Variants in SEMA6A observed in about 807,000 individuals in gnomAD.
The protein encoded by SEMA6A is semaphorin 6A, also known as semaphorin-6A.
SEMA6A carries 25 observed loss-of-function variants against 96.8 expected under a neutral mutation model. That is an observed-to-expected ratio of 0.26 (90% CI 0.19 to 0.36). The LOEUF is 0.36. SEMA6A is among the 10% of genes least tolerant of loss of function. The pLI, the probability that SEMA6A is intolerant of heterozygous loss-of-function variation, is 1.00. For synonymous variants in SEMA6A, 612 were observed against 518.0 expected, an observed-to-expected ratio of 1.18 and a Z score of -2.46; for missense variants, 1,363 against 1,323.1, an observed-to-expected ratio of 1.03 and a Z score of -0.47.
rs572983158 is a variant in SEMA6A at position 116,447,902 on chromosome 5, T to C, written c.1895-91A>G. ...CATTCACCTTGTTAATTAATAACAGTAGTAAGTGACAACAGCACCTCTGCA... is the reference window on the plus strand; with the variant it reads ...CATTCACCTTGTTAATTAATAACAGCAGTAAGTGACAACAGCACCTCTGCA... On this transcript the variant is annotated intron_variant, in intron 18 of 18. Transcript: ENST00000343348. 1.8e-5 allele frequency: 19 copies of C among 1,062,456 alleles called. 1 individual carries two copies. In the South Asian group the frequency reaches 3.2e-4, roughly 18 times the overall value. The allele number at this position is 1,062,456 out of a possible 1,614,324, so 65.8% of individuals were successfully genotyped here. A position where few individuals can be genotyped will look rare whatever the true frequency, so the allele number is the denominator to read the frequency against.
chr5:116,450,850 A>T (rs1754584111), intron 18 of SEMA6A, among the ~76,000 whole-genome samples: 1 of 152,236 alleles, frequency 6.6e-6, no homozygotes, highest in African/African-American at 2.4e-5. Flanking sequence ...GAGTAAGTTG[A>T]AAGTGCAGTT....
chr5:116,453,312 C>A (rs1430447130), intron 18 of SEMA6A, among the ~76,000 whole-genome samples: 1 of 152,282 alleles, frequency 6.6e-6, no homozygotes, highest in East Asian at 1.9e-4. Flanking sequence ...ATGGGGAAGC[C>A]TTCTCTGACT....
At chr5:116,461,367 C>G (rs1271381649) in intron 18 of SEMA6A, among the ~76,000 whole-genome samples, 1 of 152,084 alleles carries the variant, frequency 6.6e-6, no homozygotes, top group East Asian at 1.9e-4. Context: ...TTTCTGAAGT[C>G]TCCTTGAAAC....
chr5:116,568,821 TACACACACACAC>T lies in SEMA6A; in HGVS notation c.-39+5352_-39+5363del, dbSNP rs10531207. On this transcript the variant is annotated intron_variant, in intron 1 of 18. Transcript: ENST00000343348. ...TACCACCTATGTGCTTGGAAGATTGTACACACACACACACACACACACACACATTCATGCATG... is the reference window on the plus strand; with the variant it reads ...TACCACCTATGTGCTTGGAAGATTGTACACACACACACACATTCATGCATG... Among the ~76,000 whole-genome samples the T allele has an allele frequency of 4.6e-3, 691 of 150,746 alleles. 2 individuals carry two copies. Among genetic ancestry groups the T allele is most frequent in the African/African-American group, 0.016 (658 of 41,000 alleles).
chr5:116,463,932 G>A (rs1453738579), intron 18 of SEMA6A, among the ~76,000 whole-genome samples: 3 of 152,182 alleles, frequency 2.0e-5, no homozygotes, highest in African/African-American at 7.2e-5. Flanking sequence ...GGATGTGGCT[G>A]ATTTCCTTAC....
At chr5:116,517,824 A>T (rs1758739793) in intron 1 of SEMA6A, among the ~76,000 whole-genome samples, 1 of 152,154 alleles carries the variant, frequency 6.6e-6, no homozygotes, top group South Asian at 2.1e-4. Context: ...ACTACAAGGG[A>T]GTCAGCACTC....
chr5:116,541,676 T>A (rs1759968754), intron 1 of SEMA6A, among the ~76,000 whole-genome samples: 1 of 152,020 alleles, frequency 6.6e-6, no homozygotes, highest in Non-Finnish European at 1.5e-5. Flanking sequence ...CTACTAAAGA[T>A]ACAAAAATTA....
At chr5:116,481,724 C>T (rs900740371) in intron 11 of SEMA6A, among the ~76,000 whole-genome samples, 7 of 152,164 alleles carry the variant, frequency 4.6e-5, no homozygotes, top group South Asian at 4.2e-4. Flanking sequence ...AAGAGAGGCA[C>T]GCAAAGGGCT....
At chr5:116,509,611 A>AGAGG (rs1758314650) in intron 1 of SEMA6A, among the ~76,000 whole-genome samples, 3 of 151,480 alleles carry the variant, frequency 2.0e-5, no homozygotes, top group African/African-American at 7.3e-5. Flanking sequence ...TGTGTGTGAG[A>AGAGG]GAGAGAGAGA....
chr5:116,470,785 C>A (rs568818512), intron 17 of SEMA6A, among the ~76,000 whole-genome samples: 1 of 152,304 alleles, frequency 6.6e-6, no homozygotes, highest in South Asian at 2.1e-4. Flanking sequence ...AGCCTACACT[C>A]AGCCACAGAG....
intron 18 of SEMA6A, among the ~76,000 whole-genome samples, chr5:116,458,910 C>T (rs75489191): frequency 0.039 from 5,971 of 152,242 alleles, 144 homozygotes; most frequent in East Asian, 0.085. Context: ...CCCCTGCACA[C>T]GTTCAAACAT....
intron 1 of SEMA6A, among the ~76,000 whole-genome samples, chr5:116,546,245 C>T (rs540225507): frequency 2.6e-5 from 4 of 152,214 alleles, no homozygotes; most frequent in Non-Finnish European, 5.9e-5. Flanking sequence ...GACACAGAGT[C>T]ACAAGCTCAG....
Position 116,545,269 on chromosome 5 carries a change from G to A in SEMA6A, c.-39+28916C>T, listed in dbSNP as rs183233501. On this transcript the variant is annotated intron_variant, in intron 1 of 18. Transcript: ENST00000343348. Reference sequence around the variant, plus strand: ...CAGTAGCAGGGACAAGCTGCGTAAGGGATAAAAATTGCTTCCCTCGGCCAG... The same window carrying A: ...CAGTAGCAGGGACAAGCTGCGTAAGAGATAAAAATTGCTTCCCTCGGCCAG... Among the ~76,000 whole-genome samples, 487 of 152,212 alleles carry A rather than the reference G, an allele frequency of 3.2e-3. 2 individuals are homozygous for A. The highest frequency in any genetic ancestry group is 0.019 in the South Asian group (92 of 4,816).
intron 17 of SEMA6A, chr5:116,468,654 G>T (rs1339461677): frequency 1.3e-5 from 2 of 152,180 alleles, no homozygotes; most frequent in African/African-American, 4.8e-5. Flanking sequence ...AATACAGATT[G>T]TATCAGGTGC....
At chr5:116,473,235 G>A in intron 16 of SEMA6A, 142 bp from the exon 17 acceptor site, 2 of 759,380 alleles carry the variant, frequency 2.6e-6, no homozygotes, top group South Asian at 3.7e-5. Context: ...ATTTCTGCGT[G>A]TAATGTAAGA....
chr5:116,533,657 C>A (rs1759586649), intron 1 of SEMA6A, among the ~76,000 whole-genome samples: 1 of 152,180 alleles, frequency 6.6e-6, no homozygotes, highest in Non-Finnish European at 1.5e-5. Context: ...GCTTATCACT[C>A]CTTTCTCTAG....
At chr5:116,528,754 TA>T (rs1759338248) in intron 1 of SEMA6A, among the ~76,000 whole-genome samples, 1 of 152,196 alleles carries the variant, frequency 6.6e-6, no homozygotes, top group Non-Finnish European at 1.5e-5. Context: ...ATTAGGGATC[TA>T]AACCTTTGTG....
rs142529780 is a variant in SEMA6A, at chr5:116,527,924, AAAG to A, written c.-38-22945_-38-22943del. On this transcript the variant is annotated intron_variant, in intron 1 of 18. Transcript: ENST00000343348. ...AAAAGCATAAAGCAAATGCATATTAAAAGAAGAACAAAGATGCGAATTAGAGAA... is the reference window on the plus strand; with the variant it reads ...AAAAGCATAAAGCAAATGCATATTAAAAGAACAAAGATGCGAATTAGAGAA... Among the ~76,000 whole-genome samples, 632 of 152,360 alleles carry A rather than the reference AAAG, an allele frequency of 4.1e-3. 3 individuals are homozygous for A. Among genetic ancestry groups the A allele is most frequent in the African/African-American group, 0.014 (593 of 41,594 alleles).
At chr5:116,517,895 G>A (rs571441263) in intron 1 of SEMA6A, among the ~76,000 whole-genome samples, 5 of 152,222 alleles carry the variant, frequency 3.3e-5, no homozygotes, top group African/African-American at 9.6e-5. Flanking sequence ...TGGTGATGGT[G>A]TCTCCAAAGG....
Sources: gnomAD v4.1 joint callset for allele counts (sites outside exome capture counted in the v4.1 genomes callset) on GRCh38, gnomAD v4.1.1 for gene constraint, MANE v1.5 for transcripts, NCBI Gene and HGNC (gene_info 2026-07-23, HGNC 2026-07-21) for gene names.